Variants in DPP10 observed in about 807,000 individuals in gnomAD.
DPP10 encodes inactive dipeptidyl peptidase 10.
A neutral mutation model predicts 120.9 loss-of-function variants in DPP10; 33 were observed. The observed-to-expected ratio is 0.27, with a 90% confidence interval of 0.21 to 0.37. The LOEUF (loss-of-function observed/expected upper bound fraction) is 0.37, where lower values mean the gene tolerates loss of function less well. Among genes scored for constraint, DPP10 ranks in the 10% least tolerant of loss-of-function variants. The pLI, the probability that DPP10 is intolerant of heterozygous loss-of-function variation, is 1.00. For missense variants in DPP10, 816 were observed against 942.8 expected (o/e 0.87, Z 1.76); for synonymous variants, 337 against 326.1 (o/e 1.03, Z -0.36).
At chr2:115,020,744 C>A (rs549854255) in intron 1 of DPP10, among the ~76,000 whole-genome samples, 1 of 152,132 alleles carries the variant, frequency 6.6e-6, no homozygotes, top group South Asian at 2.1e-4. Flanking sequence ...ATTCTACATT[C>A]TCCAAGATAA....
chr2:115,772,866 A>AT (rs1681643844), intron 13 of DPP10, among the ~76,000 whole-genome samples: 1 of 152,170 alleles, frequency 6.6e-6, no homozygotes, highest in Non-Finnish European at 1.5e-5. Context: ...TCAGATTCAT[A>AT]GGCGTAAGGA....
chr2:115,225,903 A>C (rs2057411910), intron 1 of DPP10, among the ~76,000 whole-genome samples: 1 of 152,046 alleles, frequency 6.6e-6, no homozygotes, highest in Non-Finnish European at 1.5e-5. Flanking sequence ...CTGGATCAAA[A>C]GGCTTTTCTC....
At position 114,653,385 on chromosome 2, in the gene DPP10, G is replaced by A. The variant is rs112615938; in HGVS notation, c.60+210547G>A. Among the ~76,000 whole-genome samples the A allele has an allele frequency of 2.9e-4, 44 of 152,248 alleles. 1 individual carries two copies. Among genetic ancestry groups the A allele is most frequent in the African/African-American group, 1.0e-3 (42 of 41,544 alleles). ...CCTCTGGAGAAGGAAACTTTGTGGAGCCTGTGGAAACCGATTTTGGACTTC... is the reference window on the plus strand; with the variant it reads ...CCTCTGGAGAAGGAAACTTTGTGGAACCTGTGGAAACCGATTTTGGACTTC... On this transcript the variant is annotated intron_variant, in intron 1 of 25. Coordinates refer to ENST00000410059, the MANE Select transcript of DPP10 (RefSeq NM_020868.6).
At chr2:115,404,792 G>A (rs2068387887) in intron 3 of DPP10, among the ~76,000 whole-genome samples, 1 of 152,146 alleles carries the variant, frequency 6.6e-6, no homozygotes, top group South Asian at 2.1e-4. Flanking sequence ...CCAAATTGGA[G>A]AGGCAACTTC....
intron 3 of DPP10, among the ~76,000 whole-genome samples, chr2:115,361,547 C>G (rs1417328877): frequency 2.0e-5 from 3 of 152,120 alleles, no homozygotes; most frequent in Non-Finnish European, 4.4e-5. Context: ...GCAAAATCTT[C>G]TGAGTTCTTC....
chr2:115,334,777 TTAA>T (rs1458330411), intron 2 of DPP10, among the ~76,000 whole-genome samples: 1 of 151,970 alleles, frequency 6.6e-6, no homozygotes, highest in African/African-American at 2.4e-5. Context: ...ATTTTACATT[TTAA>T]TAATAATAAA....
intron 1 of DPP10, among the ~76,000 whole-genome samples, chr2:114,528,320 A>G (rs572145309): frequency 1.4e-4 from 22 of 152,164 alleles, no homozygotes; most frequent in Non-Finnish European, 2.5e-4. Context: ...GTCAGCCAGA[A>G]GTGCTTGTGA....
chr2:115,359,771 T>C (rs1232053548), intron 3 of DPP10, among the ~76,000 whole-genome samples: 1 of 152,170 alleles, frequency 6.6e-6, no homozygotes, highest in African/African-American at 2.4e-5. Flanking sequence ...CTTGGTTTAT[T>C]TACATAACCC....
At chr2:115,243,059 T>A (rs1005179135) in intron 1 of DPP10, among the ~76,000 whole-genome samples, 5 of 152,194 alleles carry the variant, frequency 3.3e-5, no homozygotes, top group Non-Finnish European at 7.4e-5. Flanking sequence ...ACCTAACATT[T>A]GTTGTGATTT....
chr2:115,693,454 C>T (rs2091426247), intron 7 of DPP10, among the ~76,000 whole-genome samples: 1 of 152,064 alleles, frequency 6.6e-6, no homozygotes, highest in South Asian at 2.1e-4. Context: ...AAACCCAAGA[C>T]AACTCCACCT....
intron 3 of DPP10, among the ~76,000 whole-genome samples, chr2:115,416,592 A>T (rs2069452836): frequency 6.6e-6 from 1 of 152,184 alleles, no homozygotes; most frequent in South Asian, 2.1e-4. Context: ...CTACTAAATT[A>T]AGCTTATACT....
At chr2:114,655,216 C>T (rs1696884769) in intron 1 of DPP10, among the ~76,000 whole-genome samples, 1 of 152,096 alleles carries the variant, frequency 6.6e-6, no homozygotes, top group African/African-American at 2.4e-5. Flanking sequence ...CTATTACTTG[C>T]CATTATTGAC....
intron 1 of DPP10, among the ~76,000 whole-genome samples, chr2:114,645,776 G>C (rs187407891): frequency 5.9e-5 from 9 of 152,118 alleles, no homozygotes; most frequent in African/African-American, 2.2e-4. Flanking sequence ...CCCTTTCCAG[G>C]GCCCTAAATA....
chr2:115,632,730 A>T (rs1345923398), intron 5 of DPP10, among the ~76,000 whole-genome samples: 1 of 152,212 alleles, frequency 6.6e-6, no homozygotes, highest in Non-Finnish European at 1.5e-5. Flanking sequence ...AAATAAATTT[A>T]CAAGAAAAAA....
intron 1 of DPP10, among the ~76,000 whole-genome samples, chr2:114,492,700 T>C (rs1682113029): frequency 6.6e-6 from 1 of 152,202 alleles, no homozygotes; most frequent in South Asian, 2.1e-4. Context: ...CGCAATTCAT[T>C]ATATCAAATT....
intron 13 of DPP10, among the ~76,000 whole-genome samples, chr2:115,775,981 A>C (rs1442151117): frequency 6.6e-6 from 1 of 152,188 alleles, no homozygotes; most frequent in Non-Finnish European, 1.5e-5. Flanking sequence ...ATTTAGGAAT[A>C]AAGGGAACTT....
chr2:114,761,331 T>A (rs1680263782), intron 1 of DPP10, among the ~76,000 whole-genome samples: 1 of 152,310 alleles, frequency 6.6e-6, no homozygotes, highest in African/African-American at 2.4e-5. Flanking sequence ...GGATCTCATA[T>A]GTTTCTATAA....
intron 2 of DPP10, among the ~76,000 whole-genome samples, chr2:115,311,216 T>A (rs2061562368): frequency 6.6e-6 from 1 of 152,346 alleles, no homozygotes; most frequent in Non-Finnish European, 1.5e-5. Context: ...TTTAACCTTC[T>A]CTCTCACTTT....
chr2:115,265,963 T>G (rs960594527), intron 1 of DPP10, among the ~76,000 whole-genome samples: 2 of 151,534 alleles, frequency 1.3e-5, no homozygotes, highest in Admixed American at 6.6e-5. Flanking sequence ...AAAAAAAAAT[T>G]TAGAAAATGA....
Sources: gnomAD v4.1 joint callset for allele counts (sites outside exome capture counted in the v4.1 genomes callset) on GRCh38, gnomAD v4.1.1 for gene constraint, MANE v1.5 for transcripts, NCBI Gene and HGNC (gene_info 2026-07-23, HGNC 2026-07-21) for gene names.